RARB: variants seen among roughly 807,000 people sequenced by gnomAD.
RARB encodes the protein HBV-activated protein.
Under a neutral mutation model 51.9 loss-of-function variants are expected in RARB, and 17 were observed. The ratio of observed to expected loss-of-function variants is 0.33; its 90% CI spans 0.22 to 0.49. The LOEUF is 0.49. Ranked by LOEUF, RARB falls within the 20% of genes least tolerant of loss-of-function variation. The pLI is 0.99. For missense variants in RARB, 369 were observed against 550.8 expected, an observed-to-expected ratio of 0.67 and a Z score of 3.30; for synonymous variants, 215 against 195.4, an observed-to-expected ratio of 1.10 and a Z score of -0.84.
chr3:25,498,243 G>A (rs1424994648), intron 2 of RARB, among the ~76,000 whole-genome samples: 4 of 151,954 alleles, frequency 2.6e-5, no homozygotes, highest in African/African-American at 9.7e-5. Flanking sequence ...TAAACTTTAG[G>A]TGTATGAGGA....
chr3:25,594,095 G>C (rs1265619876), intron 6 of RARB, among the ~76,000 whole-genome samples: 1 of 152,176 alleles, frequency 6.6e-6, no homozygotes, highest in Admixed American at 6.5e-5. Context: ...AACCCTTGCA[G>C]GACTGGGATA....
chr3:25,187,381 G>A (rs1469049581), intron 5 of RARB, among the ~76,000 whole-genome samples: 3 of 151,786 alleles, frequency 2.0e-5, no homozygotes, highest in Non-Finnish European at 4.4e-5. Flanking sequence ...CAAGTGGGTA[G>A]GATAAAGAAC....
chr3:25,318,539 T>G (rs1704485079), intron 5 of RARB, among the ~76,000 whole-genome samples: 1 of 152,190 alleles, frequency 6.6e-6, no homozygotes, highest in Non-Finnish European at 1.5e-5. Flanking sequence ...TTCATAATAT[T>G]CTGCCCCTTC....
chr3:25,284,640 A>G (rs571197378), intron 5 of RARB, among the ~76,000 whole-genome samples: 12 of 152,272 alleles, frequency 7.9e-5, no homozygotes, highest in African/African-American at 2.4e-4. Context: ...AGGTAGGGAA[A>G]GTTCTCAAGA....
chr3:24,859,695 C>G (rs557380418), intron 2 of RARB, among the ~76,000 whole-genome samples: 2 of 152,238 alleles, frequency 1.3e-5, no homozygotes, highest in African/African-American at 4.8e-5. Flanking sequence ...ACTTTGGGGA[C>G]TTGGAAGTTT....
intron 4 of RARB, among the ~76,000 whole-genome samples, chr3:25,570,746 T>C (rs1421500925): frequency 6.6e-6 from 1 of 152,154 alleles, no homozygotes; most frequent in Non-Finnish European, 1.5e-5. Flanking sequence ...CAGTAGATAT[T>C]TGATGAATTA....
intron 5 of RARB, among the ~76,000 whole-genome samples, chr3:25,352,847 G>A (rs1034443330): frequency 2.6e-5 from 4 of 152,164 alleles, no homozygotes; most frequent in Non-Finnish European, 5.9e-5. Flanking sequence ...GAGCTGAAAA[G>A]ACTTGAATTC....
chr3:24,850,710 G>A (rs1264857878), intron 1 of RARB, among the ~76,000 whole-genome samples: 1 of 152,200 alleles, frequency 6.6e-6, no homozygotes, highest in Non-Finnish European at 1.5e-5. Context: ...GGTTAGACCT[G>A]AGAGCCTGTG....
intron 5 of RARB, among the ~76,000 whole-genome samples, chr3:25,397,853 G>A (rs905111176): frequency 2.0e-5 from 3 of 148,850 alleles, no homozygotes; most frequent in African/African-American, 7.5e-5. Context: ...CAAAAAATAT[G>A]TGATTTGTGA....
intron 5 of RARB, among the ~76,000 whole-genome samples, chr3:25,307,589 C>G (rs1455965691): frequency 6.6e-6 from 1 of 152,110 alleles, no homozygotes; most frequent in Admixed American, 6.6e-5. Context: ...TTTGTATTTT[C>G]AAGGTATTAT....
intron 3 of RARB, among the ~76,000 whole-genome samples, chr3:25,561,713 C>T (rs935087092): frequency 6.6e-6 from 1 of 152,066 alleles, no homozygotes; most frequent in Admixed American, 6.6e-5. Context: ...AAATGTCAAG[C>T]AGAACTTCAG....
At chr3:25,590,354 C>T (rs1001588357) in intron 5 of RARB, among the ~76,000 whole-genome samples, 4 of 152,274 alleles carry the variant, frequency 2.6e-5, no homozygotes, top group East Asian at 3.9e-4. Context: ...TGTTCCTTTC[C>T]GACAAATCTC....
At chr3:25,046,770 A>G (rs991461941) in intron 2 of RARB, among the ~76,000 whole-genome samples, 3 of 152,276 alleles carry the variant, frequency 2.0e-5, no homozygotes, top group African/African-American at 7.2e-5. Flanking sequence ...TTGATAATTT[A>G]TATTAGTTAG....
At chr3:25,072,271 G>T (rs1698782538) in intron 3 of RARB, among the ~76,000 whole-genome samples, 1 of 152,178 alleles carries the variant, frequency 6.6e-6, no homozygotes, top group Admixed American at 6.5e-5. Context: ...CAGCTCAGAA[G>T]AGTAAGCATG....
intron 2 of RARB, among the ~76,000 whole-genome samples, chr3:24,903,059 C>T (rs1703640980): frequency 1.3e-5 from 2 of 152,068 alleles, no homozygotes; most frequent in Admixed American, 1.3e-4. Flanking sequence ...ACTGTTTTGA[C>T]ATGCTTTCAA....
chr3:24,942,868 G>A (rs1397190619), intron 2 of RARB, among the ~76,000 whole-genome samples: 1 of 152,008 alleles, frequency 6.6e-6, no homozygotes, highest in African/African-American at 2.4e-5. Context: ...CTAAAACCTG[G>A]CTCCATCATT....
At chr3:24,868,745 C>T (rs752608452) in intron 2 of RARB, among the ~76,000 whole-genome samples, 5 of 152,124 alleles carry the variant, frequency 3.3e-5, no homozygotes, top group African/African-American at 4.8e-5. Flanking sequence ...CTCCACAACC[C>T]GTTATCTTAA....
intron 1 of RARB, among the ~76,000 whole-genome samples, chr3:25,459,334 G>A (rs1352758657): frequency 6.6e-6 from 1 of 152,190 alleles, no homozygotes; most frequent in Non-Finnish European, 1.5e-5. Context: ...GGCCTATTCA[G>A]AAGACAGAAT....
intron 3 of RARB, among the ~76,000 whole-genome samples, chr3:25,070,972 C>T (rs1698755698): frequency 6.6e-6 from 1 of 152,152 alleles, no homozygotes; most frequent in African/African-American, 2.4e-5. Context: ...TCTTGCCTTG[C>T]CCTGGGATGC....
Sources: gnomAD v4.1 joint callset for allele counts (sites outside exome capture counted in the v4.1 genomes callset) on GRCh38, gnomAD v4.1.1 for gene constraint, MANE v1.5 for transcripts, NCBI Gene and HGNC (gene_info 2026-07-23, HGNC 2026-07-21) for gene names.